CNTN4: variants seen among roughly 807,000 people sequenced by gnomAD.
The protein encoded by CNTN4 is contactin 4.
Under a neutral mutation model 122.5 loss-of-function variants are expected in CNTN4, and 77 were observed. The ratio of observed to expected loss-of-function variants is 0.63; its 90% CI spans 0.52 to 0.76. CNTN4 has a LOEUF of 0.76. CNTN4 is among the 30% of genes least tolerant of loss of function. The pLI, the probability that CNTN4 is intolerant of heterozygous loss-of-function variation, is 0.00. For missense variants in CNTN4, 1,256 were observed against 1,259.1 expected, an observed-to-expected ratio of 1.00 and a Z score of 0.04; for synonymous variants, 512 against 447.0, an observed-to-expected ratio of 1.15 and a Z score of -1.83.
intron 13 of CNTN4, among the ~76,000 whole-genome samples, chr3:2,932,563 T>A (rs1260110559): frequency 1.3e-5 from 2 of 152,076 alleles, no homozygotes; most frequent in Non-Finnish European, 2.9e-5. Context: ...TGGCTCGTGG[T>A]CCCTTCGCTC....
At chr3:2,754,009 A>T (rs1055256922) in intron 6 of CNTN4, among the ~76,000 whole-genome samples, 6 of 152,326 alleles carry the variant, frequency 3.9e-5, no homozygotes, top group African/African-American at 1.4e-4. Flanking sequence ...GCTGTAAAGC[A>T]TTTTGAATAT....
chr3:2,725,747 A>G (rs1258838579), intron 4 of CNTN4, among the ~76,000 whole-genome samples: 2 of 152,188 alleles, frequency 1.3e-5, no homozygotes, highest in African/African-American at 4.8e-5. Context: ...CAGTAAGTCC[A>G]CAGAGAGAAG....
rs372356029 is a variant in CNTN4, at chr3:2,502,246, T to A, written c.-88-69170T>A. On this transcript the variant is annotated intron_variant, in intron 3 of 24. Coordinates refer to ENST00000418658, the MANE Select transcript of CNTN4 (RefSeq NM_175607.3). ...TCCTTTCTCCAAATTTTAGAGATAC[T>A]CCACTTCTTTAACACTTCATGTGCT... Among the ~76,000 whole-genome samples the A allele has an allele frequency of 1.1e-4, 16 of 152,282 alleles. 1 individual carries two copies. In the South Asian group the frequency reaches 2.9e-3, roughly 28 times the overall value.
At chr3:2,258,837 A>G (rs1214525966) in intron 2 of CNTN4, among the ~76,000 whole-genome samples, 1 of 152,064 alleles carries the variant, frequency 6.6e-6, no homozygotes, top group Non-Finnish European at 1.5e-5. Context: ...TCCCATTGAA[A>G]TGTAAGATTT....
intron 4 of CNTN4, among the ~76,000 whole-genome samples, chr3:2,666,320 A>C (rs184680572): frequency 9.5e-4 from 144 of 152,286 alleles, no homozygotes; most frequent in African/African-American, 3.4e-3. Flanking sequence ...GAATAGCTTA[A>C]GTCTTCATAG....
At chr3:2,158,437 A>G (rs1477919637) in intron 2 of CNTN4, among the ~76,000 whole-genome samples, 1 of 152,214 alleles carries the variant, frequency 6.6e-6, no homozygotes, top group Non-Finnish European at 1.5e-5. Context: ...CACTGGTAAA[A>G]GAATTATGGG....
intron 7 of CNTN4, chr3:2,866,425 G>C: frequency 2.6e-6 from 3 of 1,142,590 alleles, no homozygotes; most frequent in Non-Finnish European, 3.2e-6. Context: ...TGTAATTTGA[G>C]CATTACTCAA....
intron 6 of CNTN4, among the ~76,000 whole-genome samples, chr3:2,787,667 C>A (rs1440830996): frequency 6.6e-6 from 1 of 152,170 alleles, no homozygotes; most frequent in Non-Finnish European, 1.5e-5. Flanking sequence ...TATTTAACTT[C>A]TCTGAGTCTT....
chr3:2,388,794 G>A lies in CNTN4; in HGVS notation c.-89+49561G>A, dbSNP rs1270990046. On this transcript the variant is annotated intron_variant, in intron 3 of 24. Coordinates refer to ENST00000418658, the MANE Select transcript of CNTN4 (RefSeq NM_175607.3). ...TGGGAGGTAGAGGTTGCAGTGAACCGAGATCTCACCACTGCACTCCAGCAT... is the reference window on the plus strand; with the variant it reads ...TGGGAGGTAGAGGTTGCAGTGAACCAAGATCTCACCACTGCACTCCAGCAT... Among the ~76,000 whole-genome samples the A allele has an allele frequency of 2.0e-5, 3 of 151,250 alleles. 1 individual carries two copies. The highest frequency in any genetic ancestry group is 4.9e-5 in the African/African-American group (2 of 41,152).
At chr3:2,533,358 C>T (rs903409118) in intron 3 of CNTN4, among the ~76,000 whole-genome samples, 9 of 152,026 alleles carry the variant, frequency 5.9e-5, no homozygotes, top group Non-Finnish European at 1.3e-4. Flanking sequence ...TATTCAATTC[C>T]GACCTATGAG....
At chr3:2,914,370 G>C (rs189409846) in intron 12 of CNTN4, among the ~76,000 whole-genome samples, 2 of 152,066 alleles carry the variant, frequency 1.3e-5, no homozygotes, top group Middle Eastern at 6.3e-3. Flanking sequence ...AACAAGAGTT[G>C]ATTTTTAAAA....
intron 6 of CNTN4, among the ~76,000 whole-genome samples, chr3:2,769,788 G>T (rs1406158931): frequency 6.6e-6 from 1 of 152,166 alleles, no homozygotes; most frequent in Non-Finnish European, 1.5e-5. Flanking sequence ...CTTGCCTGCA[G>T]CACAGGCCCT....
intron 4 of CNTN4, among the ~76,000 whole-genome samples, chr3:2,642,319 C>A (rs1467031872): frequency 2.0e-5 from 3 of 152,168 alleles, no homozygotes; most frequent in Non-Finnish European, 4.4e-5. Flanking sequence ...GCACTGGCAG[C>A]TGATTAGATG....
At chr3:3,006,163 A>T (rs575096994) in intron 14 of CNTN4, among the ~76,000 whole-genome samples, 16 of 152,082 alleles carry the variant, frequency 1.1e-4, no homozygotes, top group Non-Finnish European at 1.9e-4. Flanking sequence ...GGCATGAGCC[A>T]CCGCGCCCAG....
intron 4 of CNTN4, among the ~76,000 whole-genome samples, chr3:2,701,444 TG>T (rs1250114622): frequency 1.3e-5 from 2 of 152,204 alleles, no homozygotes; most frequent in African/African-American, 4.8e-5. Flanking sequence ...GAAAATGCAG[TG>T]GTTTTCCCCC....
intron 2 of CNTN4, among the ~76,000 whole-genome samples, chr3:2,107,708 A>G (rs1282257925): frequency 2.0e-5 from 3 of 152,144 alleles, no homozygotes; most frequent in Non-Finnish European, 4.4e-5. Context: ...GATTTGTATG[A>G]CTTAAAGTGA....
chr3:3,011,250 T>C (rs1045810228), intron 14 of CNTN4, among the ~76,000 whole-genome samples: 2 of 152,166 alleles, frequency 1.3e-5, no homozygotes, highest in Non-Finnish European at 2.9e-5. Context: ...CAATAAAGTA[T>C]ATTTTTGGCT....
At chr3:2,416,093 G>A (rs1268503565) in intron 3 of CNTN4, among the ~76,000 whole-genome samples, 2 of 151,724 alleles carry the variant, frequency 1.3e-5, no homozygotes, top group East Asian at 3.9e-4. Context: ...TGTTCTCACA[G>A]AGTGAACAAT....
chr3:2,344,443 C>G (rs1229005583), intron 3 of CNTN4, among the ~76,000 whole-genome samples: 1 of 152,136 alleles, frequency 6.6e-6, no homozygotes, highest in East Asian at 1.9e-4. Flanking sequence ...CCGCACCCAG[C>G]TAATTTTTGT....
Sources: gnomAD v4.1 joint callset for allele counts (sites outside exome capture counted in the v4.1 genomes callset) on GRCh38, gnomAD v4.1.1 for gene constraint, MANE v1.5 for transcripts, NCBI Gene and HGNC (gene_info 2026-07-23, HGNC 2026-07-21) for gene names.